The following CADPS2 variants were observed in gnomAD, a reference collection of about 807,000 sequenced individuals.
The protein encoded by CADPS2 is calcium dependent secretion activator 2, also known as calcium-dependent secretion activator 2.
In CADPS2, 93 loss-of-function variants were observed where a neutral mutation model predicts 172.5. The ratio of observed to expected loss-of-function variants is 0.54; its 90% confidence interval spans 0.46 to 0.64. The LOEUF (loss-of-function observed/expected upper bound fraction) is 0.64, where lower values mean the gene tolerates loss of function less well. Ranked by LOEUF, CADPS2 falls within the 30% of genes least tolerant of loss-of-function variation. The pLI is 0.00. For missense variants in CADPS2, 1,420 were observed against 1,565.9 expected, an observed-to-expected ratio of 0.91 and a Z score of 1.57; for synonymous variants, 546 against 555.2, an observed-to-expected ratio of 0.98 and a Z score of 0.23.
intron 3 of CADPS2, among the ~76,000 whole-genome samples, chr7:122,655,067 T>C (rs1476404469): frequency 6.6e-6 from 1 of 152,234 alleles, no homozygotes; most frequent in Non-Finnish European, 1.5e-5. Flanking sequence ...ACTAAATTGC[T>C]GAAGTCTCAT....
intron 20 of CADPS2, among the ~76,000 whole-genome samples, chr7:122,403,774 A>G (rs758057473): frequency 1.3e-5 from 2 of 152,160 alleles, no homozygotes; most frequent in Non-Finnish European, 2.9e-5. Context: ...TTCATTGTAG[A>G]TAAGTAATTC....
chr7:122,361,925 C>T lies in CADPS2; in HGVS notation c.3388-912G>A, dbSNP rs575762900. Among the ~76,000 whole-genome samples the T allele has an allele frequency of 3.9e-5, 6 of 151,928 alleles. No homozygotes were observed. In the South Asian group the frequency reaches 1.2e-3, roughly 32 times the overall value. On this transcript the variant is annotated intron_variant, in intron 25 of 29. Transcript: ENST00000449022. The stretch of plus-strand genomic sequence containing the variant: ...CCCGTCTCTACTAAAAGTACAAAAT[C>T]AGCAGGGCATGGTGGCTCATATCTG...
intron 2 of CADPS2, among the ~76,000 whole-genome samples, chr7:122,695,564 T>C (rs1024694460): frequency 3.9e-5 from 6 of 152,346 alleles, no homozygotes; most frequent in Non-Finnish European, 5.9e-5. Flanking sequence ...GAAACAGCTA[T>C]GTAAAGTGCT....
At chr7:122,844,527 T>C (rs914176919) in intron 1 of CADPS2, among the ~76,000 whole-genome samples, 1 of 152,228 alleles carries the variant, frequency 6.6e-6, no homozygotes, top group Non-Finnish European at 1.5e-5. Flanking sequence ...AAAAATATCA[T>C]GGGATATCCT....
intron 1 of CADPS2, among the ~76,000 whole-genome samples, chr7:122,757,249 T>C (rs1177132222): frequency 6.6e-6 from 1 of 152,106 alleles, no homozygotes; most frequent in Non-Finnish European, 1.5e-5. Flanking sequence ...CTGGCTCAAG[T>C]GATCCTCTCA....
chr7:122,869,311 A>G (rs1452136939), intron 1 of CADPS2, among the ~76,000 whole-genome samples: 1 of 152,092 alleles, frequency 6.6e-6, no homozygotes, highest in African/African-American at 2.4e-5. Flanking sequence ...ACAAAGAGAA[A>G]ATATTGAAAA....
chr7:122,711,397 C>T (rs2088693372), intron 2 of CADPS2, among the ~76,000 whole-genome samples: 2 of 152,064 alleles, frequency 1.3e-5, no homozygotes, highest in South Asian at 4.2e-4. Context: ...AGGTCATGAG[C>T]CCCAAAGAGT....
chr7:122,382,603 A>G (rs936849735), intron 24 of CADPS2, among the ~76,000 whole-genome samples: 2 of 152,096 alleles, frequency 1.3e-5, no homozygotes, highest in African/African-American at 4.8e-5. Context: ...TTTCCCATTT[A>G]GTATAACAGA....
At chr7:122,466,636 C>G (rs1052774818) in intron 14 of CADPS2, among the ~76,000 whole-genome samples, 5 of 152,180 alleles carry the variant, frequency 3.3e-5, no homozygotes, top group African/African-American at 1.2e-4. Flanking sequence ...GCTCATTTAA[C>G]TAATACACTG....
intron 25 of CADPS2, among the ~76,000 whole-genome samples, chr7:122,367,474 GCTTT>G (rs1307116446): frequency 6.7e-6 from 1 of 149,224 alleles, no homozygotes; most frequent in African/African-American, 2.5e-5. Context: ...GTTCAGCAGT[GCTTT>G]CTGAGAGTTG....
chr7:122,484,539 A>T (rs1316152095), intron 11 of CADPS2, among the ~76,000 whole-genome samples: 1 of 152,118 alleles, frequency 6.6e-6, no homozygotes, highest in African/African-American at 2.4e-5. Flanking sequence ...AAATTGTAAA[A>T]TTTCTAGAAG....
chr7:122,347,419 A>G (rs2037848042), intron 27 of CADPS2, among the ~76,000 whole-genome samples: 1 of 152,136 alleles, frequency 6.6e-6, no homozygotes, highest in African/African-American at 2.4e-5. Context: ...TTACAAAGTT[A>G]TTTCTGTGCA....
chr7:122,680,638 T>A, intron 2 of CADPS2, among the ~76,000 whole-genome samples: 1 of 152,196 alleles, frequency 6.6e-6, no homozygotes. Context: ...CACTTGAGTC[T>A]GAGAGGTGGA....
At chr7:122,733,132 A>C (rs1427359879) in intron 2 of CADPS2, among the ~76,000 whole-genome samples, 1 of 151,838 alleles carries the variant, frequency 6.6e-6, no homozygotes. Flanking sequence ...TAGGTTAGAA[A>C]GAACATGAAA....
chr7:122,504,342 C>T (rs2059450244), intron 9 of CADPS2, among the ~76,000 whole-genome samples: 1 of 152,040 alleles, frequency 6.6e-6, no homozygotes, highest in South Asian at 2.1e-4. Context: ...TCACTTTATT[C>T]TTTTTGAGTC....
At chr7:122,750,745 T>C (rs149543835) in intron 1 of CADPS2, among the ~76,000 whole-genome samples, 1 of 152,134 alleles carries the variant, frequency 6.6e-6, no homozygotes, top group Non-Finnish European at 1.5e-5. Flanking sequence ...GAAGAGCTTT[T>C]TTTAAAAAAT....
chr7:122,525,455 C>A (rs776845011), intron 8 of CADPS2, among the ~76,000 whole-genome samples: 1 of 152,166 alleles, frequency 6.6e-6, no homozygotes, highest in African/African-American at 2.4e-5. Context: ...TGTGACCAAT[C>A]TTGTCGGTAG....
intron 7 of CADPS2, among the ~76,000 whole-genome samples, chr7:122,565,198 C>A (rs144575997): frequency 6.6e-6 from 1 of 151,092 alleles, no homozygotes; most frequent in South Asian, 2.1e-4. Flanking sequence ...CCATGTAACA[C>A]GACTGCACTT....
intron 1 of CADPS2, among the ~76,000 whole-genome samples, chr7:122,822,552 G>C (rs1803651799): frequency 6.8e-6 from 1 of 146,218 alleles, no homozygotes; most frequent in Admixed American, 6.9e-5. Context: ...AGGCAGAAAT[G>C]TCAGGCCTCT....
Sources: allele counts gnomAD v4.1 joint callset (sites outside exome capture counted in the v4.1 genomes callset), GRCh38; gene constraint gnomAD v4.1.1; transcripts MANE v1.5; gene names NCBI Gene and HGNC (gene_info 2026-07-23, HGNC 2026-07-21).